The following H2BN1 variants were observed in gnomAD, a reference collection of about 807,000 sequenced individuals.
H2BN1 encodes histone H2B.N.
chr17:32,905,870 GGTGACTT>G, the H2BN1 span: 2 of 152,116 alleles, frequency 1.3e-5, no homozygotes, highest in South Asian at 2.1e-4. Flanking sequence ...TCAGTAGAGG[GGTGACTT>G]TGAATAGAAT....
the H2BN1 span, among the ~76,000 whole-genome samples, chr17:32,903,937 C>A: frequency 0.33 from 50,028 of 152,086 alleles, 8,475 homozygotes; most frequent in Admixed American, 0.41. Context: ...TGGCCAGACT[C>A]CACAATGTGT....
chr17:32,895,909 T>C, the H2BN1 span, among the ~76,000 whole-genome samples: 1 of 152,090 alleles, frequency 6.6e-6, no homozygotes, highest in Non-Finnish European at 1.5e-5. Flanking sequence ...TCTTTTTCCT[T>C]TTTTTTGAGA....
chr17:32,901,676 G>T, the H2BN1 span, among the ~76,000 whole-genome samples: 1 of 152,232 alleles, frequency 6.6e-6, no homozygotes, highest in East Asian at 1.9e-4. Flanking sequence ...AGTATGAGCT[G>T]AAAATGAGTT....
At chr17:32,899,307 A>C in the H2BN1 span, among the ~76,000 whole-genome samples, 1 of 152,252 alleles carries the variant, frequency 6.6e-6, no homozygotes, top group Non-Finnish European at 1.5e-5. Context: ...AGCCAAGCCC[A>C]GTCATGGATT....
the H2BN1 span, among the ~76,000 whole-genome samples, chr17:32,899,821 G>A: frequency 2.1e-4 from 32 of 152,284 alleles, no homozygotes; most frequent in East Asian, 6.2e-3. Context: ...CAGCAATAAA[G>A]TTTTAAGTCA....
chr17:32,904,993 GA>G, the H2BN1 span, among the ~76,000 whole-genome samples: 2 of 152,066 alleles, frequency 1.3e-5, no homozygotes, highest in Non-Finnish European at 2.9e-5. Flanking sequence ...TTCTAATGGA[GA>G]AAAAATTAAG....
chr17:32,898,383 G>A, the H2BN1 span, among the ~76,000 whole-genome samples: 6 of 152,210 alleles, frequency 3.9e-5, no homozygotes, highest in African/African-American at 1.4e-4. Flanking sequence ...GAGACAAATG[G>A]TTGTATTCTA....
chr17:32,900,895 T>C, the H2BN1 span, among the ~76,000 whole-genome samples: 3 of 151,876 alleles, frequency 2.0e-5, no homozygotes, highest in African/African-American at 7.2e-5. Flanking sequence ...TTTTTAAAAA[T>C]TTTATAAGCA....
At chr17:32,902,853 G>A in the H2BN1 span, among the ~76,000 whole-genome samples, 1 of 146,506 alleles carries the variant, frequency 6.8e-6, no homozygotes, top group Admixed American at 6.8e-5. Flanking sequence ...AAAAAAAAAA[G>A]AAATTACACA....
At chr17:32,903,254 A>G in the H2BN1 span, among the ~76,000 whole-genome samples, 1 of 151,858 alleles carries the variant, frequency 6.6e-6, no homozygotes, top group Non-Finnish European at 1.5e-5. Flanking sequence ...CAGTGGAAGT[A>G]CTTCCTATCA....
the H2BN1 span, among the ~76,000 whole-genome samples, chr17:32,896,443 C>G: frequency 2.6e-5 from 4 of 152,118 alleles, no homozygotes; most frequent in African/African-American, 9.7e-5. Flanking sequence ...TCTTCCCCCT[C>G]AAAAGCTGGG....
chr17:32,900,346 A>G, the H2BN1 span, among the ~76,000 whole-genome samples: 5 of 152,254 alleles, frequency 3.3e-5, no homozygotes, highest in Non-Finnish European at 7.3e-5. Context: ...TTTTGACTTT[A>G]GGGAACCTAA....
the H2BN1 span, among the ~76,000 whole-genome samples, chr17:32,902,839 C>CA: frequency 1.7e-3 from 249 of 144,580 alleles, 1 homozygote; most frequent in Middle Eastern, 0.025. Flanking sequence ...GACTCCATCT[C>CA]AAAAAAAAAA....
the H2BN1 span, among the ~76,000 whole-genome samples, chr17:32,899,382 G>A: frequency 6.6e-6 from 1 of 152,136 alleles, no homozygotes; most frequent in Non-Finnish European, 1.5e-5. Context: ...GATAAACTTG[G>A]GGCTCCTGGG....
the H2BN1 span, among the ~76,000 whole-genome samples, chr17:32,896,131 G>C: frequency 6.6e-6 from 1 of 152,036 alleles, no homozygotes; most frequent in Non-Finnish European, 1.5e-5. Context: ...TCCCAGGCTG[G>C]TCTTGAACTC....
chr17:32,898,231 G>T, the H2BN1 span, among the ~76,000 whole-genome samples: 1 of 152,126 alleles, frequency 6.6e-6, no homozygotes, highest in African/African-American at 2.4e-5. Context: ...GCACAGTGTG[G>T]TTTTATATAT....
chr17:32,895,900 C>A, the H2BN1 span, among the ~76,000 whole-genome samples: 1 of 152,040 alleles, frequency 6.6e-6, no homozygotes, highest in East Asian at 1.9e-4. Context: ...TAAACTGATT[C>A]TTTTTCCTTT....
chr17:32,904,975 A>G, the H2BN1 span, among the ~76,000 whole-genome samples: 1 of 152,194 alleles, frequency 6.6e-6, no homozygotes, highest in African/African-American at 2.4e-5. Context: ...CAATATGATC[A>G]CTGAGTGTTC....
chr17:32,899,887 G>A, the H2BN1 span, among the ~76,000 whole-genome samples: 18 of 152,242 alleles, frequency 1.2e-4, no homozygotes, highest in African/African-American at 2.9e-4. Context: ...AAACATTTCC[G>A]TTTTCCATGA....
Sources: gnomAD v4.1 joint callset for allele counts (sites outside exome capture counted in the v4.1 genomes callset) on GRCh38, gnomAD v4.1.1 for gene constraint, MANE v1.5 for transcripts, NCBI Gene and HGNC (gene_info 2026-07-23, HGNC 2026-07-21) for gene names.